Variants in KIAA2012 observed in about 807,000 individuals in gnomAD.
The protein encoded by KIAA2012 is KIAA2012.
In KIAA2012, 125 loss-of-function variants were observed where a neutral mutation model predicts 150.6. The ratio of observed to expected loss-of-function variants is 0.83; its 90% CI spans 0.72 to 0.96. The LOEUF (loss-of-function observed/expected upper bound fraction) is 0.96. Ranked by LOEUF, KIAA2012 falls within the 40% of genes least tolerant of loss-of-function variation. KIAA2012 has a pLI of 0.00. For missense variants in KIAA2012, 1,219 were observed against 1,354.9 expected (o/e 0.90, Z 1.57); for synonymous variants, 462 against 504.7 (o/e 0.92, Z 1.13).
chr2:202,143,026 A>C (rs1177015320), intron 13 of KIAA2012, among the ~76,000 whole-genome samples: 3 of 149,658 alleles, frequency 2.0e-5, no homozygotes, highest in Non-Finnish European at 4.5e-5. Flanking sequence ...GACCCTGCCA[A>C]ATGCCCACTG....
intron 12 of KIAA2012, among the ~76,000 whole-genome samples, chr2:202,134,615 C>T (rs2105942278): frequency 6.6e-6 from 1 of 152,314 alleles, no homozygotes; most frequent in Admixed American, 6.5e-5. Flanking sequence ...AGTGCAATGG[C>T]ACGATCTTAG....
At chr2:202,142,033 G>C (rs1691206904) in intron 13 of KIAA2012, among the ~76,000 whole-genome samples, 1 of 152,032 alleles carries the variant, frequency 6.6e-6, no homozygotes, top group South Asian at 2.1e-4. Context: ...TGAGAACCAG[G>C]AGAAAAATAA....
chr2:202,152,532 T>C (rs1274538426), intron 13 of KIAA2012, among the ~76,000 whole-genome samples: 2 of 152,176 alleles, frequency 1.3e-5, no homozygotes, highest in Non-Finnish European at 2.9e-5. Flanking sequence ...CCTCAAATCA[T>C]TATCATCTGA....
At chr2:202,200,793 G>A (rs11690318) in intron 22 of KIAA2012, among the ~76,000 whole-genome samples, 39,503 of 140,144 alleles carry the variant, frequency 0.28, 5,990 homozygotes, top group South Asian at 0.35. Flanking sequence ...CGCAACCTCC[G>A]CCTGCCAGAT....
In KIAA2012 at chr2:202,196,839, TAGA is replaced by T. The variant is rs550018103; in HGVS notation, c.3235_3237del (p.Glu1079del). ...AGGCAAGAGGAATTGGAAATGCAGT[TAGA>T]AGAAGAACAAAAACACCTGATGGAA... On this transcript the variant is annotated inframe_deletion, in exon 22 of 24. Transcript: ENST00000498697. 2.1e-4 allele frequency: 324 copies of T among 1,550,560 alleles called. No individual in the cohort carries two copies. In the African/African-American group the frequency reaches 3.0e-3, roughly 15 times the overall value.
chr2:202,137,996 A>G, intron 12 of KIAA2012: 1 of 153,516 alleles, frequency 6.5e-6, no homozygotes, highest in Non-Finnish European at 1.5e-5. Flanking sequence ...ATGAGGAAAA[A>G]GGGAAGCCTC....
intron 2 of KIAA2012, among the ~76,000 whole-genome samples, chr2:202,090,068 A>T (rs1292834047): frequency 6.6e-6 from 1 of 152,242 alleles, no homozygotes; most frequent in Admixed American, 6.5e-5. Flanking sequence ...CACATTTGCT[A>T]TTCTTTTGCC....
chr2:202,158,526 A>G (rs957316423), intron 14 of KIAA2012, among the ~76,000 whole-genome samples: 1 of 152,078 alleles, frequency 6.6e-6, no homozygotes, highest in African/African-American at 2.4e-5. Flanking sequence ...TCACATTTTA[A>G]GAACCTCTTT....
At chr2:202,174,167 G>A (rs953363047) in intron 15 of KIAA2012, among the ~76,000 whole-genome samples, 2 of 152,278 alleles carry the variant, frequency 1.3e-5, no homozygotes, top group East Asian at 3.9e-4. Context: ...GCTTCACCAT[G>A]TTAGTCAGGC....
intron 15 of KIAA2012, chr2:202,180,115 T>C (rs1692088278): frequency 1.5e-5 from 5 of 344,532 alleles, no homozygotes; most frequent in South Asian, 9.6e-5. Context: ...CTATTAAAAA[T>C]ACAAAATTAG....
In KIAA2012 at chr2:202,199,058, A is replaced by T. The variant is rs576322127; in HGVS notation, c.3407+2039A>T. On this transcript the variant is annotated intron_variant, in intron 22 of 23. Transcript: ENST00000498697. ...AAACTATTGGGAGTTCCAACTTTCC[A>T]CACGAGAAGAAAACTGACGGTCATC... 1.8e-4 allele frequency among the ~76,000 whole-genome samples: 28 copies of T among 152,354 alleles called. 1 individual carries two copies. The South Asian group carries it at 5.6e-3, about 30-fold the overall frequency.
At chr2:202,086,741 C>T (rs1294574906) in intron 2 of KIAA2012, among the ~76,000 whole-genome samples, 1 of 152,170 alleles carries the variant, frequency 6.6e-6, no homozygotes, top group Non-Finnish European at 1.5e-5. Flanking sequence ...TATCTTGAAC[C>T]TTGAACCCAT....
rs1171125398 is a variant in KIAA2012 at position 202,138,469 on chromosome 2, T to C, written c.1869T>C (p.Leu623=). 1 of 1,550,486 alleles carries C rather than the reference T, an allele frequency of 6.4e-7. No individual in the cohort carries two copies. Among genetic ancestry groups the C allele is most frequent in the African/African-American group, 1.4e-5 (1 of 73,056 alleles). ...TEPRANLHMN[L]YETSPLTQTT... is the part of the protein sequence containing the mutation. ...CTAGAGCCAATCTTCACATGAACCTTTATGAAACCTCACCGTTGACCCAAA... is the reference window on the plus strand; with the variant it reads ...CTAGAGCCAATCTTCACATGAACCTCTATGAAACCTCACCGTTGACCCAAA... Residue 623 remains leucine (L), a synonymous_variant, in exon 13 of 24, where the codon CTT becomes CTC. Transcript: ENST00000498697.
intron 13 of KIAA2012, among the ~76,000 whole-genome samples, chr2:202,150,369 C>A (rs1041888706): frequency 7.2e-5 from 11 of 152,052 alleles, no homozygotes; most frequent in Non-Finnish European, 1.3e-4. Context: ...TGTTTTTCTG[C>A]TAAACATTTC....
chr2:202,160,178 CTGTT>C (rs1168860189), intron 14 of KIAA2012, among the ~76,000 whole-genome samples: 1 of 152,278 alleles, frequency 6.6e-6, no homozygotes, highest in East Asian at 1.9e-4. Flanking sequence ...TGAGGTCTGT[CTGTT>C]CTGTTCCTGT....
chr2:202,183,455 G>A (rs1218814094), intron 15 of KIAA2012, among the ~76,000 whole-genome samples: 2 of 141,474 alleles, frequency 1.4e-5, no homozygotes, highest in African/African-American at 5.2e-5. Flanking sequence ...TTTTTTGGGG[G>A]GTTTTTGGGG....
In KIAA2012 at chr2:202,100,455, G is replaced by A; in HGVS notation, c.1155+6G>A. ...GGGAAGTGAAGAAGAAAAAGGTTGT[G>A]TGTATATGTATGTTTGTGCATACAG... On this transcript the variant is annotated splice_donor_region_variant and intron_variant, in intron 7 of 23. Coordinates refer to ENST00000498697, the MANE Select transcript of KIAA2012 (RefSeq NM_001277372.4). 6.5e-7 allele frequency: 1 copy of A among 1,549,728 alleles called. No homozygotes were observed. The highest frequency in any genetic ancestry group is 8.7e-7 in the Non-Finnish European group (1 of 1,146,398).
rs1344852245 is a variant in KIAA2012 at position 202,143,109 on chromosome 2, G to C, written c.1908+4601G>C. Among the ~76,000 whole-genome samples, 8 of 134,118 alleles carry C rather than the reference G, an allele frequency of 6.0e-5. No individual in the cohort carries two copies. The East Asian group carries it at 1.8e-3, about 30-fold the overall frequency. 88.0% of individuals were successfully genotyped at this position (134,118 alleles called of 152,430 possible). ...TTTTTTTTTTTTTCTTTTTGAGATA[G>C]AGTCTTGCTCTGTCACCCAGGCTGG... On this transcript the variant is annotated intron_variant, in intron 13 of 23. Coordinates refer to ENST00000498697, the MANE Select transcript of KIAA2012 (RefSeq NM_001277372.4).
In KIAA2012 at chr2:202,093,256, G is replaced by T. The variant is rs192219702; in HGVS notation, c.685+71G>T. The T allele has an allele frequency of 1.3e-4, 195 of 1,464,686 alleles. No homozygotes were observed. In the African/African-American group the frequency reaches 2.2e-3, roughly 17 times the overall value. The allele number at this position is 1,464,686 out of a possible 1,614,324, so 90.7% of individuals were successfully genotyped here. ...TTTGAATTGTTAACACCTTAAAATGGCATTTCCCAAAACAAGGTCTTGAGA... is the reference window on the plus strand; with the variant it reads ...TTTGAATTGTTAACACCTTAAAATGTCATTTCCCAAAACAAGGTCTTGAGA... On this transcript the variant is annotated intron_variant, in intron 4 of 23. Transcript: ENST00000498697.
Sources: allele counts gnomAD v4.1 joint callset (sites outside exome capture counted in the v4.1 genomes callset), GRCh38; gene constraint gnomAD v4.1.1; transcripts MANE v1.5; gene names NCBI Gene and HGNC (gene_info 2026-07-23, HGNC 2026-07-21).